ASXL3: variants seen among roughly 807,000 people sequenced by gnomAD.
The protein encoded by ASXL3 is ASXL transcriptional regulator 3, also known as putative Polycomb group protein ASXL3.
ASXL3 carries 34 observed loss-of-function variants against 170.6 expected under a neutral mutation model. That is an observed-to-expected ratio of 0.20 (90% CI 0.15 to 0.27). The LOEUF (loss-of-function observed/expected upper bound fraction) is 0.27. Among genes scored for constraint, ASXL3 ranks in the 10% least tolerant of loss-of-function variants. The probability of loss-of-function intolerance (pLI) is 1.00; values close to 1 mark genes in which losing one functional copy is unlikely to be tolerated. For synonymous variants in ASXL3, 1,002 were observed against 989.1 expected (o/e 1.01, Z -0.24); for missense variants, 2,592 against 2,695.3 (o/e 0.96, Z 0.85).
chr18:33,614,802 G>A (rs2065396150), intron 2 of ASXL3: 1 of 151,936 alleles, frequency 6.6e-6, no homozygotes, highest in African/African-American at 2.4e-5. Flanking sequence ...TCAGTGAACA[G>A]TAGTATTTTG....
chr18:33,744,020 T>A lies in ASXL3; in HGVS notation c.4172T>A (p.Val1391Glu). The A allele has an allele frequency of 4.3e-6, 7 of 1,613,950 alleles. No homozygotes were observed. The highest frequency in any genetic ancestry group is 5.9e-6 in the Non-Finnish European group (7 of 1,179,836). Residue 1391 changes from valine to glutamate, a missense_variant, in exon 12 of 12, where the codon GTG (valine) becomes GAG (glutamate). Around this residue, in one of 4 missense-constraint regions of ASXL3, gnomAD observed 2,246 missense variants for 2,219.6 expected, o/e 1.01. Transcript: ENST00000269197. ...GCCACTGTATCCATGGGTACCACTG[T>A]GAGAGCAGCCCTCAGCTGCAGTGAT... ...EQATVSMGTT[V>E]RAALSCSDSV... is the part of the protein sequence containing the mutation.
At chr18:33,704,595 C>G (rs777274074) in intron 8 of ASXL3, among the ~76,000 whole-genome samples, 1 of 151,948 alleles carries the variant, frequency 6.6e-6, no homozygotes, top group Non-Finnish European at 1.5e-5. Context: ...AATCTAGAAG[C>G]AGTCAGATAT....
chr18:33,621,622 C>A (rs2065514328), intron 2 of ASXL3, among the ~76,000 whole-genome samples: 1 of 152,070 alleles, frequency 6.6e-6, no homozygotes, highest in African/African-American at 2.4e-5. Flanking sequence ...CTGAAAAGAA[C>A]AAGGAAGGGA....
chr18:33,646,141 A>G, intron 3 of ASXL3, 104 bp from the exon 4 acceptor site: 1 of 743,210 alleles, frequency 1.3e-6, no homozygotes, highest in Non-Finnish European at 2.1e-6. Flanking sequence ...TGAAATGTTA[A>G]GTCACAAATA....
intron 2 of ASXL3, among the ~76,000 whole-genome samples, chr18:33,636,334 AGCAACAACAACAGCCACAACAACAGCC>A (rs1568294820): frequency 7.9e-6 from 1 of 127,376 alleles, no homozygotes; most frequent in Admixed American, 8.7e-5. Context: ...CAACAACAAC[AGCAACAACAACAGCCACAACAACAGCC>A]ACAACAACAG....
intron 11 of ASXL3, among the ~76,000 whole-genome samples, chr18:33,741,832 T>C (rs2067668503): frequency 1.3e-5 from 2 of 152,178 alleles, no homozygotes; most frequent in South Asian, 4.1e-4. Flanking sequence ...ACAGCCTCAG[T>C]TTCCTCAACT....
intron 8 of ASXL3, among the ~76,000 whole-genome samples, chr18:33,700,043 A>G (rs928040879): frequency 7.9e-5 from 12 of 152,074 alleles, no homozygotes; most frequent in African/African-American, 2.9e-4. Context: ...AGAAGAAAGA[A>G]GTTGAGAATG....
At position 33,750,235 on chromosome 18, in the gene ASXL3, G is replaced by A. The variant is rs189079755; in HGVS notation, c.*3640G>A. 6.6e-5 allele frequency: 10 copies of A among 152,304 alleles called. No individual in the cohort carries two copies. The East Asian group carries it at 1.7e-3, about 26-fold the overall frequency. The allele number at this position is 152,304 out of a possible 1,614,324, so 9.4% of individuals were successfully genotyped here. ...TGTCAGGGGCCTATGTAGCCAAAAT[G>A]TTACTAAATATAAAATTCCTGTCGT... On this transcript the variant is annotated 3_prime_UTR_variant, in exon 12 of 12. Transcript: ENST00000269197.
chr18:33,695,373 A>T (rs1240676572), intron 8 of ASXL3, among the ~76,000 whole-genome samples: 2 of 152,226 alleles, frequency 1.3e-5, no homozygotes, highest in East Asian at 1.9e-4. Context: ...ATAGTAAATC[A>T]TACATAGCCA....
chr18:33,629,916 T>C (rs2065653255), intron 2 of ASXL3, among the ~76,000 whole-genome samples: 1 of 152,068 alleles, frequency 6.6e-6, no homozygotes, highest in South Asian at 2.1e-4. Context: ...TTATTCTCTT[T>C]AAACATTTAC....
intron 8 of ASXL3, among the ~76,000 whole-genome samples, chr18:33,721,507 A>C (rs548971593): frequency 1.3e-5 from 2 of 152,248 alleles, no homozygotes; most frequent in South Asian, 4.1e-4. Context: ...ATGTACATAC[A>C]TACACATATC....
chr18:33,693,108 G>T (rs2066711883), intron 8 of ASXL3, among the ~76,000 whole-genome samples: 1 of 152,168 alleles, frequency 6.6e-6, no homozygotes, highest in Non-Finnish European at 1.5e-5. Flanking sequence ...TGTGAATTTT[G>T]TGGAGGCGCA....
intron 4 of ASXL3, among the ~76,000 whole-genome samples, chr18:33,655,656 A>T (rs1396801296): frequency 6.6e-6 from 1 of 152,074 alleles, no homozygotes; most frequent in Non-Finnish European, 1.5e-5. Context: ...GAGTTCAGGA[A>T]TGGTTTAATT....
At chr18:33,640,842 T>C (rs1193162374) in intron 2 of ASXL3, among the ~76,000 whole-genome samples, 1 of 90,996 alleles carries the variant, frequency 1.1e-5, no homozygotes, top group Non-Finnish European at 2.1e-5. Context: ...TAATAACTGC[T>C]TGAATTTGTT....
intron 9 of ASXL3, among the ~76,000 whole-genome samples, chr18:33,732,409 G>A (rs553485164): frequency 4.5e-4 from 68 of 152,160 alleles, no homozygotes; most frequent in African/African-American, 1.0e-3. Flanking sequence ...TCTCTTCCGC[G>A]GAAGTTACTG....
chr18:33,636,481 G>A (rs1319034031), intron 2 of ASXL3, among the ~76,000 whole-genome samples: 1 of 152,160 alleles, frequency 6.6e-6, no homozygotes, highest in Non-Finnish European at 1.5e-5. Context: ...AATTGGACCT[G>A]GGAGTTGAAG....
intron 1 of ASXL3, among the ~76,000 whole-genome samples, chr18:33,581,924 CTT>C (rs1312515705): frequency 6.6e-6 from 1 of 152,146 alleles, no homozygotes; most frequent in Non-Finnish European, 1.5e-5. Flanking sequence ...AATACCACAT[CTT>C]TTTTTCCCCT....
rs1352415455 is a variant in ASXL3, at chr18:33,748,834, G to C, written c.*2239G>C. ...CACATCAGTAACTGACATGGTGTCG[G>C]AAGAAACTCCAGTCTACAGAACCTT... On this transcript the variant is annotated 3_prime_UTR_variant, in exon 12 of 12. Coordinates refer to ENST00000269197, the MANE Select transcript of ASXL3 (RefSeq NM_030632.3). The C allele has an allele frequency of 6.6e-6, 1 of 152,200 alleles. No homozygotes were observed. Among genetic ancestry groups the C allele is most frequent in the East Asian group, 1.9e-4 (1 of 5,190 alleles). The allele number at this position is 152,200 out of a possible 1,614,324, so 9.4% of individuals were successfully genotyped here.
At chr18:33,592,024 G>A (rs1164435725) in intron 1 of ASXL3, among the ~76,000 whole-genome samples, 3 of 151,924 alleles carry the variant, frequency 2.0e-5, no homozygotes, top group Non-Finnish European at 2.9e-5. Context: ...TTAGTTAAAA[G>A]CTTTAGTGGA....
Sources: gnomAD v4.1 joint callset for allele counts (sites outside exome capture counted in the v4.1 genomes callset) on GRCh38, gnomAD v4.1.1 for gene constraint, gnomAD v4.1.1 regional missense constraint, MANE v1.5 for transcripts, NCBI Gene and HGNC (gene_info 2026-07-23, HGNC 2026-07-21) for gene names.